PSD3: variants seen among roughly 807,000 people sequenced by gnomAD.
The protein encoded by PSD3 is PH and SEC7 domain-containing protein 3.
PSD3 carries 49 observed loss-of-function variants against 105.5 expected under a neutral mutation model. The ratio of observed to expected loss-of-function variants is 0.46; its 90% CI spans 0.37 to 0.59. The LOEUF (loss-of-function observed/expected upper bound fraction) is 0.59. Ranked by LOEUF, PSD3 falls within the 20% of genes least tolerant of loss-of-function variation. The probability of loss-of-function intolerance (pLI) is 0.00; values close to 1 mark genes in which losing one functional copy is unlikely to be tolerated. For missense variants in PSD3, 1,561 were observed against 1,263.8 expected (o/e 1.24, Z -3.57); for synonymous variants, 557 against 457.8 (o/e 1.22, Z -2.77).
At chr8:18,848,993 C>T (rs545325257) in intron 4 of PSD3, among the ~76,000 whole-genome samples, 7 of 152,176 alleles carry the variant, frequency 4.6e-5, no homozygotes, top group Admixed American at 1.3e-4. Context: ...AGATTTGCTT[C>T]CAAAGGTCAA....
rs141050469 is a variant in PSD3 at position 18,717,031 on chromosome 8, A to G, written c.2172+48418T>C. Reference sequence around the variant, plus strand: ...TTTTTTTCTAAAAAACAAAACTCAGACCTCTGGACTTAAAATCCTGAGATT... The same window carrying G: ...TTTTTTTCTAAAAAACAAAACTCAGGCCTCTGGACTTAAAATCCTGAGATT... On this transcript the variant is annotated intron_variant, in intron 9 of 15. Coordinates refer to ENST00000327040, the MANE Select transcript of PSD3 (RefSeq NM_015310.4). Among the ~76,000 whole-genome samples the G allele has an allele frequency of 3.1e-3, 473 of 152,272 alleles. 2 individuals carry two copies. The highest frequency in any genetic ancestry group is 0.01 in the Middle Eastern group (3 of 294).
chr8:18,961,584 C>A (rs967335076), intron 1 of PSD3, among the ~76,000 whole-genome samples: 6 of 151,864 alleles, frequency 4.0e-5, no homozygotes, highest in African/African-American at 1.5e-4. Context: ...CAGCTACTCG[C>A]GAGGCTGAGG....
chr8:18,714,630 AC>A (rs763614371), intron 9 of PSD3, among the ~76,000 whole-genome samples: 2 of 152,202 alleles, frequency 1.3e-5, no homozygotes, highest in African/African-American at 2.4e-5. Flanking sequence ...TCAAGAAACA[AC>A]AGATGCTGGT....
At chr8:18,588,095 C>T (rs1010455531) in intron 12 of PSD3, among the ~76,000 whole-genome samples, 11 of 152,158 alleles carry the variant, frequency 7.2e-5, no homozygotes, top group African/African-American at 1.4e-4. Context: ...CTGGATGGCT[C>T]GATACCCCAA....
chr8:18,556,394 C>A lies in PSD3; in HGVS notation c.2785-42G>T, dbSNP rs780989999. The A allele has an allele frequency of 9.0e-6, 12 of 1,331,664 alleles. No individual in the cohort carries two copies. Among genetic ancestry groups the A allele is most frequent in the African/African-American group, 3.0e-5 (2 of 67,574 alleles). The allele number at this position is 1,331,664 out of a possible 1,614,324, so 82.5% of individuals were successfully genotyped here. A position where few individuals can be genotyped will look rare whatever the true frequency, so the allele number is the denominator to read the frequency against. ...TGCCATTTAGCGTTCAAAAAAAAAACAAGTCAATAACAAAGCACAGCATAC... is the reference window on the plus strand; with the variant it reads ...TGCCATTTAGCGTTCAAAAAAAAAAAAAGTCAATAACAAAGCACAGCATAC... On this transcript the variant is annotated intron_variant, in intron 14 of 15. Coordinates refer to ENST00000327040, the MANE Select transcript of PSD3 (RefSeq NM_015310.4).
intron 2 of PSD3, among the ~76,000 whole-genome samples, chr8:18,918,162 T>G (rs1406342331): frequency 6.6e-6 from 1 of 152,236 alleles, no homozygotes; most frequent in Non-Finnish European, 1.5e-5. Context: ...CCTGCCCACC[T>G]GAAGTCTTCT....
At chr8:18,823,140 G>A (rs1812884141) in intron 4 of PSD3, among the ~76,000 whole-genome samples, 1 of 150,380 alleles carries the variant, frequency 6.6e-6, no homozygotes, top group African/African-American at 2.4e-5. Context: ...AACTAGAAAA[G>A]CATACCTGAA....
chr8:18,583,710 C>T (rs1415216958), intron 12 of PSD3, among the ~76,000 whole-genome samples: 1 of 152,202 alleles, frequency 6.6e-6, no homozygotes, highest in Non-Finnish European at 1.5e-5. Context: ...CCTTCTCTTG[C>T]TCAGGTTAAG....
chr8:18,535,998 G>A (rs1216368634), intron 15 of PSD3, 40 bp from the exon 16 acceptor site: 2 of 1,572,504 alleles, frequency 1.3e-6, no homozygotes, highest in Admixed American at 3.3e-5. Context: ...TCAGAAAACT[G>A]TTCAAAATGC....
chr8:18,554,892 C>T (rs984533285), intron 15 of PSD3, among the ~76,000 whole-genome samples: 1 of 152,024 alleles, frequency 6.6e-6, no homozygotes, highest in African/African-American at 2.4e-5. Context: ...ATGGGAAGAG[C>T]ATCTTAGGCA....
chr8:18,836,180 G>T (rs1246377631), intron 4 of PSD3, among the ~76,000 whole-genome samples: 2 of 152,068 alleles, frequency 1.3e-5, no homozygotes, highest in African/African-American at 4.8e-5. Context: ...GCATTTAATG[G>T]GCTTTCAAAG....
chr8:18,632,800 A>G lies in PSD3; in HGVS notation c.2223T>C (p.Asp741=). 1 of 1,564,206 alleles carries G rather than the reference A, an allele frequency of 6.4e-7. No individual in the cohort carries two copies. Among genetic ancestry groups the G allele is most frequent in the Admixed American group, 1.7e-5 (1 of 58,004 alleles). Residue 741 remains aspartate (D), a synonymous_variant, in exon 11 of 16, where the codon GAT becomes GAC. Coordinates refer to ENST00000327040, the MANE Select transcript of PSD3 (RefSeq NM_015310.4). ...KNEKLEWAVD[D]EEKKKSPSES... ...CTGAGGGAGACTTTTTTTTCTCTTC[A>G]TCATCTCTAAAAGGGAGAAAGCACA...
intron 1 of PSD3, among the ~76,000 whole-genome samples, chr8:19,031,598 C>T (rs1317728764): frequency 6.6e-6 from 1 of 152,212 alleles, no homozygotes; most frequent in Admixed American, 6.5e-5. Context: ...GAGGGTGTTC[C>T]CTTCCCTCCC....
intron 9 of PSD3, among the ~76,000 whole-genome samples, chr8:18,662,494 G>A (rs1221758194): frequency 6.6e-6 from 1 of 152,190 alleles, no homozygotes; most frequent in Non-Finnish European, 1.5e-5. Context: ...ATTTTCTTGA[G>A]AGAAAGATTT....
At chr8:19,020,914 A>G (rs753667632) in intron 1 of PSD3, among the ~76,000 whole-genome samples, 7 of 152,224 alleles carry the variant, frequency 4.6e-5, no homozygotes, top group Non-Finnish European at 8.8e-5. Flanking sequence ...ATTTTTGGAC[A>G]TGTTAAGTTA....
intron 8 of PSD3, among the ~76,000 whole-genome samples, chr8:18,778,117 ACT>A (rs1376396423): frequency 6.6e-6 from 1 of 152,072 alleles, no homozygotes; most frequent in Non-Finnish European, 1.5e-5. Context: ...ATGCCCTATA[ACT>A]CTGACATTAA....
intron 15 of PSD3, among the ~76,000 whole-genome samples, chr8:18,552,229 G>C: frequency 6.6e-6 from 1 of 152,160 alleles, no homozygotes; most frequent in East Asian, 1.9e-4. Flanking sequence ...CCCAGTCATG[G>C]ATTTAATAGG....
At chr8:18,666,070 G>C (rs538107872) in intron 9 of PSD3, among the ~76,000 whole-genome samples, 2 of 151,020 alleles carry the variant, frequency 1.3e-5, no homozygotes, top group African/African-American at 4.9e-5. Context: ...CTTTTTTTTT[G>C]AGACAGTCTT....
At chr8:18,721,418 G>C (rs149868350) in intron 9 of PSD3, among the ~76,000 whole-genome samples, 16 of 152,276 alleles carry the variant, frequency 1.1e-4, no homozygotes, top group Non-Finnish European at 1.9e-4. Context: ...AGCCACCCAA[G>C]ACCAGGAACT....
Sources: allele counts gnomAD v4.1 joint callset (sites outside exome capture counted in the v4.1 genomes callset), GRCh38; gene constraint gnomAD v4.1.1; transcripts MANE v1.5; gene names NCBI Gene and HGNC (gene_info 2026-07-23, HGNC 2026-07-21).